Variants in TOGARAM1 observed in about 807,000 individuals in gnomAD.
TOGARAM1 encodes TOG array regulator of axonemal microtubules 1.
In TOGARAM1, 100 loss-of-function variants were observed where a neutral mutation model predicts 166.6. The observed-to-expected ratio is 0.60, with a 90% CI of 0.51 to 0.71. The LOEUF (loss-of-function observed/expected upper bound fraction) is 0.71. Ranked by LOEUF, TOGARAM1 falls within the 30% of genes least tolerant of loss-of-function variation. TOGARAM1 has a pLI of 0.00. For missense variants in TOGARAM1, 2,029 were observed against 2,102.7 expected (o/e 0.96, Z 0.69); for synonymous variants, 758 against 763.8 (o/e 0.99, Z 0.13).
rs753271313 is a variant in TOGARAM1 at position 45,006,077 on chromosome 14, G to A, written c.2714G>A (p.Arg905Gln). The change falls in exon 5 of 20, where the codon CGA (arginine) becomes CAA (glutamine). Residue 905 changes from arginine (R) to glutamine (Q), a missense_variant. Arg to Gln is a conservative substitution (Grantham distance 43). This residue lies in a region of TOGARAM1 where 1,453 missense variants were observed against 1,432.2 expected (regional missense o/e 1.01). Transcript: ENST00000361462. ...PALVRSPSSR[R>Q]GLNGTKPVPP... Reference sequence around the variant, plus strand: ...TTGGTGAGATCGCCATCTTCCCGACGAGGTCTAAATGGGACAAAGCCTGTT... The same window carrying A: ...TTGGTGAGATCGCCATCTTCCCGACAAGGTCTAAATGGGACAAAGCCTGTT... 9.9e-6 allele frequency: 16 copies of A among 1,613,254 alleles called. No individual in the cohort carries two copies. Among genetic ancestry groups the A allele is most frequent in the Admixed American group, 1.7e-5 (1 of 59,958 alleles).
chr14:45,059,635 G>A (rs1882804350), intron 16 of TOGARAM1, among the ~76,000 whole-genome samples: 1 of 151,918 alleles, frequency 6.6e-6, no homozygotes, highest in South Asian at 2.1e-4. Context: ...CAACCTGGGC[G>A]ACAGAGCGAG....
In TOGARAM1 at chr14:45,008,928, A is replaced by G. The variant is rs755842651; in HGVS notation, c.2920A>G (p.Arg974Gly). ...TTTTTCTTAGATGCATAGCTCTCTTAGGTCCCTTCGTAATAGTGCAGCTAA... is the reference window on the plus strand; with the variant it reads ...TTTTTCTTAGATGCATAGCTCTCTTGGGTCCCTTCGTAATAGTGCAGCTAA... ...LDQEEMHSSL[R>G]SLRNSAAKKR... The change falls in exon 6 of 20, where the codon AGG becomes GGG. Residue 974 changes from arginine to glycine, a missense_variant. Physicochemically the swap from Arg to Gly is moderately radical, Grantham distance 125 (BLOSUM62 -2). This residue lies in a region of TOGARAM1 where 1,453 missense variants were observed against 1,432.2 expected (regional missense o/e 1.01). Coordinates refer to ENST00000361462, the MANE Select transcript of TOGARAM1 (RefSeq NM_001308120.2). The G allele has an allele frequency of 6.2e-6, 10 of 1,613,386 alleles. No individual in the cohort carries two copies. The highest frequency in any genetic ancestry group is 8.5e-6 in the Non-Finnish European group (10 of 1,179,576).
chr14:45,051,966 A>T (rs1487885899), intron 14 of TOGARAM1, among the ~76,000 whole-genome samples: 1 of 152,188 alleles, frequency 6.6e-6, no homozygotes, highest in African/African-American at 2.4e-5. Flanking sequence ...ACCAAACATC[A>T]TAATGTAGCC....
chr14:44,992,072 T>TAAAA (rs71108676), intron 1 of TOGARAM1, among the ~76,000 whole-genome samples: 44 of 37,946 alleles, frequency 1.2e-3, no homozygotes, highest in Admixed American at 2.0e-3. Flanking sequence ...CCCTGTCTGT[T>TAAAA]AAAAAAAAAA....
chr14:45,003,119 T>G (rs1298613456), intron 3 of TOGARAM1, among the ~76,000 whole-genome samples: 1 of 152,218 alleles, frequency 6.6e-6, no homozygotes, highest in Non-Finnish European at 1.5e-5. Flanking sequence ...AATCTGTGAC[T>G]AAATCTCCTA....
At chr14:44,986,890 T>C (rs137855974) in intron 1 of TOGARAM1, among the ~76,000 whole-genome samples, 3,430 of 150,416 alleles carry the variant, frequency 0.023, 134 homozygotes, top group African/African-American at 0.08. Context: ...CCTGTAGTCC[T>C]AGCTCCTCGG....
intron 3 of TOGARAM1, among the ~76,000 whole-genome samples, chr14:45,003,767 A>G (rs992049228): frequency 7.7e-5 from 11 of 141,952 alleles, no homozygotes; most frequent in African/African-American, 6.0e-5. Context: ...CTTCTCTGAC[A>G]TGTGTGTATA....
intron 4 of TOGARAM1, among the ~76,000 whole-genome samples, chr14:45,005,803 C>A (rs1191055101): frequency 5.3e-5 from 8 of 152,214 alleles, no homozygotes; most frequent in African/African-American, 1.7e-4. Context: ...TGATTCTCTT[C>A]TATTAATTCC....
chr14:45,019,231 C>G (rs1294425001), intron 7 of TOGARAM1, among the ~76,000 whole-genome samples: 2 of 152,164 alleles, frequency 1.3e-5, no homozygotes, highest in Non-Finnish European at 2.9e-5. Flanking sequence ...TACTCTCAGT[C>G]TAACTTAATG....
At position 44,963,555 on chromosome 14, in the gene TOGARAM1, G is replaced by T. The variant is rs1885334770; in HGVS notation, c.1134G>T (p.Val378=). 1 of 1,613,718 alleles carries T rather than the reference G, an allele frequency of 6.2e-7. No individual in the cohort carries two copies. Among genetic ancestry groups the T allele is most frequent in the South Asian group, 1.1e-5 (1 of 91,064 alleles). ...RTQAVEELKQ[V]LGKFNPSSTP... ...AGGCCGTCGAAGAACTAAAGCAGGT[G>T]CTGGGAAAATTTAACCCTAGTTCTA... is the stretch of plus-strand genomic sequence containing the variant. The change falls in exon 1 of 20, where the codon GTG becomes GTT. Residue 378 remains valine, a synonymous_variant. Coordinates refer to ENST00000361462, the MANE Select transcript of TOGARAM1 (RefSeq NM_001308120.2).
intron 1 of TOGARAM1, among the ~76,000 whole-genome samples, chr14:44,976,215 G>C (rs1594611971): frequency 6.6e-6 from 1 of 151,996 alleles, no homozygotes; most frequent in Admixed American, 6.6e-5. Flanking sequence ...TCCCCTTACT[G>C]CTTCCACAAA....
intron 1 of TOGARAM1, among the ~76,000 whole-genome samples, chr14:44,982,907 A>G (rs1050500793): frequency 2.0e-5 from 3 of 152,182 alleles, no homozygotes; most frequent in Admixed American, 6.5e-5. Flanking sequence ...AACAGCACTA[A>G]CTACAGTGCT....
chr14:44,978,040 A>G (rs1288309316), intron 1 of TOGARAM1, among the ~76,000 whole-genome samples: 4 of 152,212 alleles, frequency 2.6e-5, no homozygotes, highest in Non-Finnish European at 4.4e-5. Context: ...TGCTAACATG[A>G]GATTTTGAGG....
chr14:45,050,481 G>T (rs566124103), intron 14 of TOGARAM1, among the ~76,000 whole-genome samples: 2 of 151,912 alleles, frequency 1.3e-5, no homozygotes, highest in African/African-American at 4.8e-5. Flanking sequence ...TTGAACTCTT[G>T]GGCTCAAGCA....
chr14:45,002,859 A>G (rs1887750586), intron 3 of TOGARAM1, among the ~76,000 whole-genome samples: 15 of 152,154 alleles, frequency 9.9e-5, no homozygotes, highest in Admixed American at 9.8e-4. Context: ...GGCACCTATC[A>G]TCCCAGCTAC....
chr14:45,039,102 G>A (rs765717474), intron 11 of TOGARAM1, among the ~76,000 whole-genome samples: 16 of 151,982 alleles, frequency 1.1e-4, no homozygotes, highest in Non-Finnish European at 2.2e-4. Flanking sequence ...TGGTGTCTCT[G>A]CAGCCCTCAG....
At chr14:44,971,838 G>A (rs1224066630) in intron 1 of TOGARAM1, among the ~76,000 whole-genome samples, 1 of 152,138 alleles carries the variant, frequency 6.6e-6, no homozygotes, top group Non-Finnish European at 1.5e-5. Context: ...GTATGTTGGG[G>A]TTTTCCATCT....
rs756864092 is a variant in TOGARAM1, at chr14:45,006,099, T to C, written c.2736T>C (p.Pro912=). The change falls in exon 5 of 20, where the codon CCT becomes CCC. Residue 912 remains proline, a synonymous_variant. Transcript: ENST00000361462. The part of the protein sequence containing the change: ...SSRRGLNGTK[P]VPPIPRGISL... Reference sequence around the variant, plus strand: ...GACGAGGTCTAAATGGGACAAAGCCTGTTCCTCCCATACCAAGGGGAATAA... The same window carrying C: ...GACGAGGTCTAAATGGGACAAAGCCCGTTCCTCCCATACCAAGGGGAATAA... 1 of 1,613,970 alleles carries C rather than the reference T, an allele frequency of 6.2e-7. No homozygotes were observed. The highest frequency in any genetic ancestry group is 2.2e-5 in the East Asian group (1 of 44,884).
At chr14:45,045,638 C>CATATATACACACATATATATGTGT (rs1566660840) in intron 13 of TOGARAM1, among the ~76,000 whole-genome samples, 4 of 52,970 alleles carry the variant, frequency 7.6e-5, no homozygotes, top group African/African-American at 2.8e-4. Flanking sequence ...TATATATATA[C>CATATATACACACATATATATGTGT]ATATATATAC....
Sources: gnomAD v4.1 joint callset for allele counts (sites outside exome capture counted in the v4.1 genomes callset) on GRCh38, gnomAD v4.1.1 for gene constraint, gnomAD v4.1.1 regional missense constraint, MANE v1.5 for transcripts, NCBI Gene and HGNC (gene_info 2026-07-23, HGNC 2026-07-21) for gene names.